The following CAMK1D variants were observed in gnomAD, a reference collection of about 807,000 sequenced individuals.
CAMK1D encodes the protein calcium/calmodulin-dependent protein kinase type 1D.
CAMK1D carries 9 observed loss-of-function variants against 47.7 expected under a neutral mutation model. The observed-to-expected ratio is 0.19, with a 90% CI of 0.11 to 0.33. The LOEUF (loss-of-function observed/expected upper bound fraction) is 0.33, where lower values mean the gene tolerates loss of function less well. Ranked by LOEUF, CAMK1D falls within the 10% of genes least tolerant of loss-of-function variation. CAMK1D has a pLI of 1.00. For missense variants in CAMK1D, 291 were observed against 488.7 expected, an observed-to-expected ratio of 0.60 and a Z score of 3.81; for synonymous variants, 184 against 184.9, an observed-to-expected ratio of 0.99 and a Z score of 0.04.
intron 6 of CAMK1D, among the ~76,000 whole-genome samples, chr10:12,805,659 C>T (rs780023472): frequency 9.2e-5 from 14 of 152,116 alleles, no homozygotes; most frequent in Non-Finnish European, 1.5e-5. Context: ...CATGAGCCAC[C>T]GCGCCTGGCC....
intron 2 of CAMK1D, among the ~76,000 whole-genome samples, chr10:12,628,274 G>C (rs190929706): frequency 2.6e-5 from 4 of 152,244 alleles, no homozygotes; most frequent in African/African-American, 4.8e-5. Flanking sequence ...TTCCAGTGGG[G>C]TTGTACCATT....
At chr10:12,445,652 A>G (rs537914577) in intron 1 of CAMK1D, among the ~76,000 whole-genome samples, 98 of 152,328 alleles carry the variant, frequency 6.4e-4, no homozygotes, top group Non-Finnish European at 1.2e-3. Context: ...AGCCATGATC[A>G]TCATTGCTTT....
intron 1 of CAMK1D, among the ~76,000 whole-genome samples, chr10:12,391,194 A>G (rs1838714548): frequency 6.6e-6 from 1 of 152,200 alleles, no homozygotes; most frequent in African/African-American, 2.4e-5. Context: ...TGTTATTCTC[A>G]ATACAAAATA....
intron 2 of CAMK1D, among the ~76,000 whole-genome samples, chr10:12,584,871 T>C (rs1276410519): frequency 6.6e-6 from 1 of 152,118 alleles, no homozygotes; most frequent in Non-Finnish European, 1.5e-5. Context: ...GAAATTAAAA[T>C]CGAGGTTCCT....
intron 4 of CAMK1D, among the ~76,000 whole-genome samples, chr10:12,768,855 C>T (rs1836902901): frequency 6.6e-6 from 1 of 152,204 alleles, no homozygotes; most frequent in Non-Finnish European, 1.5e-5. Flanking sequence ...CTACATAAAA[C>T]ACGATGCAAA....
intron 1 of CAMK1D, among the ~76,000 whole-genome samples, chr10:12,398,419 G>A (rs2131907013): frequency 6.6e-6 from 1 of 152,302 alleles, no homozygotes; most frequent in South Asian, 2.1e-4. Context: ...TGCGGTCTCA[G>A]CTCACTGCAA....
intron 2 of CAMK1D, among the ~76,000 whole-genome samples, chr10:12,659,933 G>A (rs1840227492): frequency 6.6e-6 from 1 of 152,166 alleles, no homozygotes; most frequent in Admixed American, 6.5e-5. Flanking sequence ...GCGGCTCGTT[G>A]ACGTAACTTT....
At chr10:12,677,043 A>T (rs1168156997) in intron 3 of CAMK1D, among the ~76,000 whole-genome samples, 1 of 152,210 alleles carries the variant, frequency 6.6e-6, no homozygotes, top group Non-Finnish European at 1.5e-5. Context: ...TTTAAAGAAT[A>T]TTAATTTGGT....
chr10:12,708,209 G>A (rs1332835001), intron 3 of CAMK1D, among the ~76,000 whole-genome samples: 1 of 152,178 alleles, frequency 6.6e-6, no homozygotes, highest in East Asian at 1.9e-4. Context: ...TCTGCCACCT[G>A]TGCTGTGGGG....
intron 1 of CAMK1D, among the ~76,000 whole-genome samples, chr10:12,413,387 A>C (rs930929605): frequency 1.3e-5 from 2 of 152,088 alleles, no homozygotes; most frequent in Non-Finnish European, 2.9e-5. Context: ...GGGGAGTACA[A>C]TTCATCATAA....
intron 1 of CAMK1D, among the ~76,000 whole-genome samples, chr10:12,439,655 T>G (rs944774890): frequency 2.0e-5 from 3 of 152,230 alleles, no homozygotes. Flanking sequence ...ATCGAGGACT[T>G]ACTTGTTTGT....
At chr10:12,389,210 C>T (rs11257760) in intron 1 of CAMK1D, among the ~76,000 whole-genome samples, 1 of 151,998 alleles carries the variant, frequency 6.6e-6, no homozygotes, top group Non-Finnish European at 1.5e-5. Flanking sequence ...TGGTCAGTTA[C>T]TGCTTAAACT....
At chr10:12,760,683 A>C (rs916163903) in intron 3 of CAMK1D, 2 of 376,944 alleles carry the variant, frequency 5.3e-6, no homozygotes, top group Non-Finnish European at 9.9e-6. Context: ...ACAGCAGAAC[A>C]GAGGCAGAGG....
chr10:12,489,892 G>A (rs958992228), intron 1 of CAMK1D, among the ~76,000 whole-genome samples: 8 of 152,178 alleles, frequency 5.3e-5, no homozygotes, highest in Admixed American at 2.6e-4. Flanking sequence ...GCTGCCAGAC[G>A]CCCCGACACC....
intron 6 of CAMK1D, among the ~76,000 whole-genome samples, chr10:12,803,229 A>T (rs1331066127): frequency 6.6e-6 from 1 of 152,272 alleles, no homozygotes; most frequent in African/African-American, 2.4e-5. Flanking sequence ...TATAGGACAC[A>T]TTCACTAGAA....
chr10:12,635,179 G>A (rs893499045), intron 2 of CAMK1D, among the ~76,000 whole-genome samples: 7 of 152,086 alleles, frequency 4.6e-5, no homozygotes, highest in Middle Eastern at 3.2e-3. Flanking sequence ...GGGCTCGGGA[G>A]GCCTTCCTGT....
intron 3 of CAMK1D, among the ~76,000 whole-genome samples, chr10:12,737,997 A>G (rs1290653853): frequency 1.3e-5 from 2 of 152,210 alleles, no homozygotes; most frequent in East Asian, 3.8e-4. Flanking sequence ...TAAAATCAAA[A>G]ATTAAATCAC....
chr10:12,456,859 A>G (rs1833263439), intron 1 of CAMK1D, among the ~76,000 whole-genome samples: 1 of 151,990 alleles, frequency 6.6e-6, no homozygotes, highest in African/African-American at 2.4e-5. Flanking sequence ...GGTGCCATGA[A>G]CTAACATTAC....
chr10:12,583,594 G>A lies in CAMK1D; in HGVS notation c.224+30238G>A, dbSNP rs545660901. Among the ~76,000 whole-genome samples the A allele has an allele frequency of 3.4e-5, 5 of 147,142 alleles. No individual in the cohort carries two copies. The East Asian group carries it at 9.9e-4, about 29-fold the overall frequency. The stretch of plus-strand genomic sequence containing the variant: ...TCTTTGGTTTTGTGTGTGTTTTGTT[G>A]TTGTTGTTTTATTTTTTTTTTTTTT... On this transcript the variant is annotated intron_variant, in intron 2 of 10. Transcript: ENST00000619168.
Sources: gnomAD v4.1 joint callset for allele counts (sites outside exome capture counted in the v4.1 genomes callset) on GRCh38, gnomAD v4.1.1 for gene constraint, MANE v1.5 for transcripts, NCBI Gene and HGNC (gene_info 2026-07-23, HGNC 2026-07-21) for gene names.